Variants in BMF observed in about 807,000 individuals in gnomAD.
BMF encodes bcl-2-modifying factor.
A neutral mutation model predicts 22.0 loss-of-function variants in BMF; 10 were observed. The observed-to-expected ratio is 0.45, with a 90% confidence interval of 0.28 to 0.77. The LOEUF (loss-of-function observed/expected upper bound fraction) is 0.77, where lower values mean the gene tolerates loss of function less well. Among genes scored for constraint, BMF ranks in the 30% least tolerant of loss-of-function variants. BMF has a pLI of 0.13. For missense variants in BMF, 206 were observed against 226.8 expected (o/e 0.91, Z 0.59); for synonymous variants, 87 against 88.1 (o/e 0.99, Z 0.07).
In BMF at chr15:40,088,732, T is replaced by C. The variant is rs648289; in HGVS notation, c.*3055A>G. 0.4 allele frequency: 61,631 copies of C among 152,248 alleles called. 12,540 individuals carry two copies. The highest frequency in any genetic ancestry group is 0.47 in the East Asian group (2,422 of 5,164). The allele number at this position is 152,248 out of a possible 1,614,324, so 9.4% of individuals were successfully genotyped here. The stretch of plus-strand genomic sequence containing the variant: ...TTCAAACAAGCCTGCCACATAGCTT[T>C]GGACACAGACCTACTCCCCTGGGGG... On this transcript the variant is annotated 3_prime_UTR_variant, in exon 5 of 5. Transcript: ENST00000354670.
Position 40,106,348 on chromosome 15 carries a change from G to A in BMF, c.-5-257C>T, listed in dbSNP as rs1487261988. The A allele has an allele frequency of 2.3e-5, 9 of 388,260 alleles. No homozygotes were observed. In the East Asian group the frequency reaches 2.5e-4, roughly 11 times the overall value. 24.1% of individuals were successfully genotyped at this position (388,260 alleles called of 1,614,324 possible). A position where few individuals can be genotyped will look rare whatever the true frequency, so the allele number is the denominator to read the frequency against. ...TGGAACCACCCTTTTTCTTGATCAC[G>A]TTTTCTGACCTAGGCCGGTCACAAA... On this transcript the variant is annotated intron_variant, in intron 2 of 4. Transcript: ENST00000354670. The surrounding 1 kb of genome is among the most constrained non-coding windows in gnomAD (Gnocchi z 4.1).
chr15:40,105,837 G>GCATGACA lies in BMF; in HGVS notation c.243_249dup (p.Leu84CysfsTer9). ...GGTTCCTCAGTCACCCCACAAGGCA[G>GCATGACA]CATGACACCTTGGCTGGGGGAGGCT... On this transcript the variant is annotated frameshift_variant, in exon 3 of 5. Coordinates refer to ENST00000354670, the MANE Select transcript of BMF (RefSeq NM_001003940.2). LOFTEE classifies it high-confidence loss of function. 2 of 1,613,792 alleles carry GCATGACA rather than the reference G, an allele frequency of 1.2e-6. No homozygotes were observed. The highest frequency in any genetic ancestry group is 1.7e-6 in the Non-Finnish European group (2 of 1,179,912).
chr15:40,095,872 G>T (rs80094962), intron 4 of BMF, among the ~76,000 whole-genome samples: 1 of 152,220 alleles, frequency 6.6e-6, no homozygotes, highest in Non-Finnish European at 1.5e-5. Flanking sequence ...GCCACGGACA[G>T]GGGATGAAGG....
intron 4 of BMF, among the ~76,000 whole-genome samples, chr15:40,093,923 G>C (rs2036301147): frequency 6.6e-6 from 1 of 152,148 alleles, no homozygotes; most frequent in South Asian, 2.1e-4. Context: ...TGATTTTGAG[G>C]CACATTATCA....
rs936693934 is a variant in BMF at position 40,104,298 on chromosome 15, G to A, written c.335C>T (p.Ala112Val). The A allele has an allele frequency of 1.2e-6, 2 of 1,614,236 alleles. No homozygotes were observed. Among genetic ancestry groups the A allele is most frequent in the East Asian group, 4.5e-5 (2 of 44,890 alleles). ...GGGCTGCTCCCCAATGGGCAAGACT[G>A]CTGGGAAACTGGCAGGGAGAGGAAG... ...YRLPLPASFP[A>V]VLPIGEQPPE... The change falls in exon 4 of 5, where the codon GCA becomes GTA. Residue 112 changes from alanine to valine, a missense_variant. Ala to Val is a moderately conservative substitution (Grantham distance 64, BLOSUM62 0). Transcript: ENST00000354670.
Position 40,091,367 on chromosome 15 carries a change from T to A in BMF, c.*420A>T, listed in dbSNP as rs2036226973. The A allele has an allele frequency of 6.3e-6, 1 of 159,214 alleles. No individual in the cohort carries two copies. Among genetic ancestry groups the A allele is most frequent in the Admixed American group, 6.1e-5 (1 of 16,350 alleles). 9.9% of individuals were successfully genotyped at this position (159,214 alleles called of 1,614,324 possible). A position where few individuals can be genotyped will look rare whatever the true frequency, so the allele number is the denominator to read the frequency against. ...ACGGCCCCCATCCACAGTGGAAGGCTCATAGGTTTGGTGGAACTGGGAGTC... is the reference window on the plus strand; with the variant it reads ...ACGGCCCCCATCCACAGTGGAAGGCACATAGGTTTGGTGGAACTGGGAGTC... On this transcript the variant is annotated 3_prime_UTR_variant, in exon 5 of 5. Coordinates refer to ENST00000354670, the MANE Select transcript of BMF (RefSeq NM_001003940.2).
At chr15:40,100,408 G>T (rs1029595184) in intron 4 of BMF, among the ~76,000 whole-genome samples, 1 of 152,190 alleles carries the variant, frequency 6.6e-6, no homozygotes, top group African/African-American at 2.4e-5. Context: ...CAGACCATCG[G>T]GGGTCCCTGC....
chr15:40,106,083 C>G lies in BMF; in HGVS notation c.4G>C (p.Glu2Gln), dbSNP rs370152086. ...AGCTCCTCCACACACTGAGATGGCT[C>G]CATCTCTCCTGTGAGGGGGCAACGC... M[E>Q]PSQCVEELED... The change falls in exon 3 of 5, where the codon GAG becomes CAG. Residue 2 changes from glutamate (E) to glutamine (Q), a missense_variant. Coordinates refer to ENST00000354670, the MANE Select transcript of BMF (RefSeq NM_001003940.2). This position sits in a 1 kb window ranked among gnomAD's most constrained non-coding sequence, Gnocchi z 4.1. The G allele has an allele frequency of 1.9e-4, 309 of 1,598,040 alleles. 3 individuals are homozygous for G. The Middle Eastern group carries it at 2.3e-3, about 12-fold the overall frequency.
intron 3 of BMF, among the ~76,000 whole-genome samples, chr15:40,105,063 A>G (rs1408523845): frequency 1.3e-5 from 2 of 152,144 alleles, no homozygotes; most frequent in East Asian, 3.9e-4. Context: ...CTTTGCCAGA[A>G]CTGCCCTAAG....
In BMF at chr15:40,108,785, G is replaced by A. The variant is rs576922594; in HGVS notation, c.-146C>T. ...CCCGGGCGCTCACCGGGCTGCGGCA[G>A]GAGGCGGGAGGCGCAGGCAGGGGCG... On this transcript the variant is annotated 5_prime_UTR_variant, in exon 1 of 5. Coordinates refer to ENST00000354670, the MANE Select transcript of BMF (RefSeq NM_001003940.2). 761 of 154,382 alleles carry A rather than the reference G, an allele frequency of 4.9e-3. 10 individuals carry two copies. The highest frequency in any genetic ancestry group is 7.1e-3 in the Non-Finnish European group (490 of 69,134). The allele number at this position is 154,382 out of a possible 1,614,324, so 9.6% of individuals were successfully genotyped here. A position where few individuals can be genotyped will look rare whatever the true frequency, so the allele number is the denominator to read the frequency against.
chr15:40,092,816 A>T (rs1305306234), intron 4 of BMF, among the ~76,000 whole-genome samples: 1 of 151,626 alleles, frequency 6.6e-6, no homozygotes, highest in Non-Finnish European at 1.5e-5. Flanking sequence ...GTGCTGGAAG[A>T]GGCGGTCTTT....
chr15:40,092,282 C>G (rs1272605503), intron 4 of BMF, among the ~76,000 whole-genome samples: 1 of 152,156 alleles, frequency 6.6e-6, no homozygotes, highest in Non-Finnish European at 1.5e-5. Context: ...AGAAGTGCCC[C>G]CCTCTCTCCC....
chr15:40,101,592 C>G (rs2036476921), intron 4 of BMF, among the ~76,000 whole-genome samples: 1 of 152,196 alleles, frequency 6.6e-6, no homozygotes, highest in Non-Finnish European at 1.5e-5. Context: ...GACAACAGTA[C>G]TTTCTAGATA....
At chr15:40,094,856 C>CA (rs1330015048) in intron 4 of BMF, among the ~76,000 whole-genome samples, 31 of 152,338 alleles carry the variant, frequency 2.0e-4, no homozygotes, top group Non-Finnish European at 4.1e-4. Flanking sequence ...CATGATCCTC[C>CA]AGGCTAGAAA....
chr15:40,105,687 G>A lies in BMF; in HGVS notation c.292+108C>T, dbSNP rs140573870. ...TGGAAGTCAAGGAATCAACAGCCCC[G>A]CTGATCACTTTGGGGGAAGGAAACA... On this transcript the variant is annotated intron_variant, in intron 3 of 4. Transcript: ENST00000354670. The A allele has an allele frequency of 5.1e-4, 668 of 1,319,484 alleles. 8 individuals carry two copies. In the East Asian group the frequency reaches 0.012, roughly 24 times the overall value. 81.7% of individuals were successfully genotyped at this position (1,319,484 alleles called of 1,614,324 possible).
rs1166337475 is a variant in BMF at position 40,089,754 on chromosome 15, T to TCACC, written c.*2029_*2032dup. 6.6e-6 allele frequency: 1 copy of TCACC among 152,272 alleles called. No homozygotes were observed. Among genetic ancestry groups the TCACC allele is most frequent in the Admixed American group, 6.5e-5 (1 of 15,290 alleles). The allele number at this position is 152,272 out of a possible 1,614,324, so 9.4% of individuals were successfully genotyped here. A position where few individuals can be genotyped will look rare whatever the true frequency, so the allele number is the denominator to read the frequency against. On this transcript the variant is annotated 3_prime_UTR_variant, in exon 5 of 5. Transcript: ENST00000354670. ...GAAGCATACGGCAGCAGGCTGCCTG[T>TCACC]CACCACCTTGATCCAGAGAGGGGAG...
At chr15:40,103,983 A>T (rs1419560246) in intron 4 of BMF, among the ~76,000 whole-genome samples, 197 bp downstream of exon 4, 1 of 152,136 alleles carries the variant, frequency 6.6e-6, no homozygotes, top group Non-Finnish European at 1.5e-5. Context: ...CAGTTAACCA[A>T]TGTGGAGCTC....
chr15:40,092,309 A>G (rs963942293), intron 4 of BMF, among the ~76,000 whole-genome samples: 5 of 152,220 alleles, frequency 3.3e-5, no homozygotes, highest in African/African-American at 1.2e-4. Context: ...CCAAAGTAAC[A>G]CAGAGAACAA....
intron 4 of BMF, 112 bp downstream of exon 4, chr15:40,104,068 C>T: frequency 7.1e-7 from 1 of 1,417,792 alleles, no homozygotes; most frequent in African/African-American, 1.4e-5. Context: ...AACTCTGGGA[C>T]AATATCCTTG....
Sources: allele counts gnomAD v4.1 joint callset (sites outside exome capture counted in the v4.1 genomes callset), GRCh38; gene constraint gnomAD v4.1.1; non-coding constraint Gnocchi (gnomAD v3.1); transcripts MANE v1.5; gene names NCBI Gene and HGNC (gene_info 2026-07-23, HGNC 2026-07-21).